The following AGER variants were observed in gnomAD, a reference collection of about 807,000 sequenced individuals.
The protein encoded by AGER is advanced glycosylation end-product specific receptor.
AGER carries 46 observed loss-of-function variants against 48.8 expected under a neutral mutation model. The ratio of observed to expected loss-of-function variants is 0.94; its 90% CI spans 0.74 to 1.20. The LOEUF (loss-of-function observed/expected upper bound fraction) is 1.20. AGER is among the 50% of genes most tolerant of loss of function. AGER has a pLI of 0.00. For missense variants in AGER, 489 were observed against 515.0 expected (o/e 0.95, Z 0.49); for synonymous variants, 170 against 199.9 (o/e 0.85, Z 1.26).
Position 32,182,581 on chromosome 6 carries a change from T to A in AGER, c.809A>T (p.His270Leu). 3 of 1,612,898 alleles carry A rather than the reference T, an allele frequency of 1.9e-6. No individual in the cohort carries two copies. The highest frequency in any genetic ancestry group is 1.6e-4 in the Middle Eastern group (1 of 6,062). Residue 270 changes from histidine to leucine, a missense_variant, in exon 7 of 11, where the codon CAC (histidine) becomes CTC (leucine). His to Leu is a moderately conservative substitution (Grantham distance 99). Coordinates refer to ENST00000375076, the MANE Select transcript of AGER (RefSeq NM_001136.5). The surrounding 1 kb of genome is among the most constrained non-coding windows in gnomAD (Gnocchi z 5.1). ...CAGGTCACTCACATCCTTCATCCAG[T>A]GGATTTGAGGAGAGGGCTGGGCAGG... is the stretch of plus-strand genomic sequence containing the variant. Reference protein sequence around the residue: ...EVPAQPSPQIHWMKDGVPLPL... With the variant: ...EVPAQPSPQILWMKDGVPLPL...
Position 32,181,752 on chromosome 6 carries a change from T to C in AGER, c.965-120A>G. The stretch of plus-strand genomic sequence containing the variant: ...TTTTTTTTGAGATGGAGTTTCACTT[T>C]TGTTGCCCAGGCTGGCATGCAATGG... On this transcript the variant is annotated intron_variant, in intron 8 of 10. Transcript: ENST00000375076. This position sits in a 1 kb window ranked among gnomAD's most constrained non-coding sequence, Gnocchi z 4.1. 1 of 1,106,778 alleles carries C rather than the reference T, an allele frequency of 9.0e-7. No homozygotes were observed. Among genetic ancestry groups the C allele is most frequent in the Non-Finnish European group, 1.3e-6 (1 of 769,960 alleles). The allele number at this position is 1,106,778 out of a possible 1,614,324, so 68.6% of individuals were successfully genotyped here.
At position 32,183,697 on chromosome 6, in the gene AGER, G is replaced by C. The variant is rs1054368043; in HGVS notation, c.213C>G (p.Pro71=). Residue 71 remains proline (P), a synonymous_variant, in exon 3 of 11, where the codon CCC becomes CCG. Coordinates refer to ENST00000375076, the MANE Select transcript of AGER (RefSeq NM_001136.5). ...GAAGGACACGAGCCACACTGTCCCA[G>C]GGGCCTCCTCCCTGGGGAGACAGGA... ...WKVLSPQGGG[P]WDSVARVLPN... is the part of the protein sequence containing the mutation. The C allele has an allele frequency of 3.1e-6, 5 of 1,612,984 alleles. No homozygotes were observed. In the African/African-American group the frequency reaches 6.7e-5, roughly 22 times the overall value.
rs745494912 is a variant in AGER, at chr6:32,183,199, CACCTGGGGAAAGAGTGGTG to C, written c.421-17_422del. Reference sequence around the variant, plus strand: ...AGCTTCCCTCTGACACACATGTCCCCACCTGGGGAAAGAGTGGTGACCTCAGAATCCTTTGAAAATGAGA... The same window carrying C: ...AGCTTCCCTCTGACACACATGTCCCCACCTCAGAATCCTTTGAAAATGAGA... On this transcript the variant is annotated splice_acceptor_variant and splice_polypyrimidine_tract_variant and coding_sequence_variant and intron_variant, in exon 5 of 11. Transcript: ENST00000375076. LOFTEE classifies it high-confidence loss of function. 1.2e-6 allele frequency: 2 copies of C among 1,613,102 alleles called. No individual in the cohort carries two copies. Among genetic ancestry groups the C allele is most frequent in the Non-Finnish European group, 1.7e-6 (2 of 1,180,018 alleles).
chr6:32,181,001 G>C lies in AGER; in HGVS notation c.*142C>G, dbSNP rs901793151. ...TGTCAGGTGTTTAATCATCATTGTGGGGGGCTCTGGTTGTAGAAGAAAGCT... is the reference window on the plus strand; with the variant it reads ...TGTCAGGTGTTTAATCATCATTGTGCGGGGCTCTGGTTGTAGAAGAAAGCT... On this transcript the variant is annotated 3_prime_UTR_variant, in exon 11 of 11. Transcript: ENST00000375076. This position sits in a 1 kb window ranked among gnomAD's most constrained non-coding sequence, Gnocchi z 4.1. 1.2e-6 allele frequency: 1 copy of C among 811,758 alleles called. No individual in the cohort carries two copies. The highest frequency in any genetic ancestry group is 1.7e-5 in the African/African-American group (1 of 58,616). The allele number at this position is 811,758 out of a possible 1,614,324, so 50.3% of individuals were successfully genotyped here.
In AGER at chr6:32,183,350, C is replaced by T. The variant is rs1786608413; in HGVS notation, c.394G>A (p.Glu132Lys). 6.2e-7 allele frequency: 1 copy of T among 1,613,146 alleles called. No homozygotes were observed. The highest frequency in any genetic ancestry group is 1.3e-5 in the African/African-American group (1 of 75,062). ...TTATTGGGAACACCAGCCGTGAGTTCAGAGGCAGAATCTACAATTTCTGGC... is the reference window on the plus strand; with the variant it reads ...TTATTGGGAACACCAGCCGTGAGTTTAGAGGCAGAATCTACAATTTCTGGC... The part of the protein sequence containing the change: ...GKPEIVDSAS[E>K]LTAGVPNKVG... The change falls in exon 4 of 11, where the codon GAA becomes AAA. Residue 132 changes from glutamate to lysine, a missense_variant. Physicochemically the swap from Glu to Lys is moderately conservative, Grantham distance 56. Transcript: ENST00000375076.
rs773473498 is a variant in AGER, at chr6:32,182,628, G to A, written c.762C>T (p.Thr254=). 1.4e-5 allele frequency: 22 copies of A among 1,613,038 alleles called. No homozygotes were observed. Among genetic ancestry groups the A allele is most frequent in the Non-Finnish European group, 1.9e-5 (22 of 1,180,036 alleles). Residue 254 remains threonine (T), a synonymous_variant, in exon 7 of 11, where the codon ACC becomes ACT. Coordinates refer to ENST00000375076, the MANE Select transcript of AGER (RefSeq NM_001136.5). This position sits in a 1 kb window ranked among gnomAD's most constrained non-coding sequence, Gnocchi z 5.1. ...CAGGGACTTCACAGGTCAGGGTTACGGTTCCACCAGGAGCTACTGCTCCAC... is the reference window on the plus strand; with the variant it reads ...CAGGGACTTCACAGGTCAGGGTTACAGTTCCACCAGGAGCTACTGCTCCAC... ...PEGGAVAPGG[T]VTLTCEVPAQ...
Position 32,183,168 on chromosome 6 carries a change from C to T in AGER, c.454G>A (p.Ala152Thr), listed in dbSNP as rs368175894. 4.3e-6 allele frequency: 7 copies of T among 1,613,076 alleles called. No homozygotes were observed. The highest frequency in any genetic ancestry group is 5.9e-6 in the Non-Finnish European group (7 of 1,180,026). ...TCCAAGTGCCAGCTAAGAGTCCCTG[C>T]AGGGTAGCTTCCCTCTGACACACAT... The part of the protein sequence containing the change: ...GTCVSEGSYP[A>T]GTLSWHLDGK... Residue 152 changes from alanine (A) to threonine (T), a missense_variant, in exon 5 of 11, where the codon GCA becomes ACA. Physicochemically the swap from Ala to Thr is moderately conservative, Grantham distance 58. Coordinates refer to ENST00000375076, the MANE Select transcript of AGER (RefSeq NM_001136.5).
Position 32,182,376 on chromosome 6 carries a change from GC to G in AGER, c.834del (p.Leu278PhefsTer9), listed in dbSNP as rs1419435315. The G allele has an allele frequency of 6.2e-7, 1 of 1,611,734 alleles. No homozygotes were observed. The highest frequency in any genetic ancestry group is 8.5e-7 in the Non-Finnish European group (1 of 1,179,570). On this transcript the variant is annotated frameshift_variant, in exon 8 of 11. Coordinates refer to ENST00000375076, the MANE Select transcript of AGER (RefSeq NM_001136.5). LOFTEE classifies it high-confidence loss of function. The surrounding 1 kb of genome is among the most constrained non-coding windows in gnomAD (Gnocchi z 5.1). ...QIHWMKDGVP[L>X]PLPPSPVLIL... Reference sequence around the variant, plus strand: ...ATCAGCACAGGGCTGGGGGGAAGGGGCAAGGGCACACCCTGGTGGGGGAAGG... The same window carrying G: ...ATCAGCACAGGGCTGGGGGGAAGGGGAAGGGCACACCCTGGTGGGGGAAGG...
rs1209569509 is a variant in AGER, at chr6:32,183,033, G to T, written c.509-10C>A. On this transcript the variant is annotated splice_polypyrimidine_tract_variant and intron_variant, in intron 5 of 10. Transcript: ENST00000375076. ...TCCTTCACAGATACTCCTATGATGG[G>T]AGGATAAGACAAATTATCCCAGGGT... 1.9e-6 allele frequency: 3 copies of T among 1,613,076 alleles called. No homozygotes were observed. Among genetic ancestry groups the T allele is most frequent in the Non-Finnish European group, 2.5e-6 (3 of 1,180,020 alleles).
Position 32,182,744 on chromosome 6 carries a change from G to C in AGER, c.692-46C>G, listed in dbSNP as rs1481991648. ...GAGGTGGAGAGTTACACTTGTGAGT[G>C]ATCCCAGTGGCCATGGGCTTGACTC... On this transcript the variant is annotated intron_variant, in intron 6 of 10. Transcript: ENST00000375076. The surrounding 1 kb of genome is among the most constrained non-coding windows in gnomAD (Gnocchi z 5.1). 13 of 1,612,832 alleles carry C rather than the reference G, an allele frequency of 8.1e-6. No homozygotes were observed. The highest frequency in any genetic ancestry group is 1.1e-5 in the Non-Finnish European group (13 of 1,179,970).
intron 3 of AGER, 27 bp downstream of exon 3, chr6:32,183,528 C>A: frequency 1.2e-6 from 2 of 1,612,962 alleles, no homozygotes; most frequent in Non-Finnish European, 1.7e-6. Context: ...AAGAGGGAGG[C>A]CTTGGAGAAG....
chr6:32,184,042 T>G, intron 1 of AGER, 55 bp from the exon 2 acceptor site: 2 of 1,611,824 alleles, frequency 1.2e-6, no homozygotes, highest in Non-Finnish European at 1.7e-6. Context: ...CTAACAAAAT[T>G]TGGACAGGGT....
At chr6:32,184,096 G>A in intron 1 of AGER, 75 bp downstream of exon 1, 1 of 1,606,206 alleles carries the variant, frequency 6.2e-7, no homozygotes. Context: ...TCTGGGAAAA[G>A]TTCTAGGACG....
Position 32,184,183 on chromosome 6 carries a change from G to A in AGER, c.40C>T (p.Leu14Phe). The A allele has an allele frequency of 6.2e-7, 1 of 1,612,302 alleles. No homozygotes were observed. The highest frequency in any genetic ancestry group is 1.3e-5 in the African/African-American group (1 of 75,018). The change falls in exon 1 of 11, where the codon CTC becomes TTC. Residue 14 changes from leucine (L) to phenylalanine (F), a missense_variant. Physicochemically the swap from Leu to Phe is conservative, Grantham distance 22 (BLOSUM62 0). Transcript: ENST00000375076. The stretch of plus-strand genomic sequence containing the variant: ...GGGAGTGGCTCACCCCACAGACTGA[G>A]GACCAGCACCCAGGCTCCAACTGCT... ...GTAVGAWVLVLSLWGAVVGAQ... is the reference protein window; with the variant it reads ...GTAVGAWVLVFSLWGAVVGAQ...
chr6:32,184,168 C>T lies in AGER; in HGVS notation c.52+3G>A. 3 of 1,611,044 alleles carry T rather than the reference C, an allele frequency of 1.9e-6. No homozygotes were observed. Among genetic ancestry groups the T allele is most frequent in the East Asian group, 2.2e-5 (1 of 44,880 alleles). Reference sequence around the variant, plus strand: ...GGTCAGTGGGGTTGAGGGAGTGGCTCACCCCACAGACTGAGGACCAGCACC... The same window carrying T: ...GGTCAGTGGGGTTGAGGGAGTGGCTTACCCCACAGACTGAGGACCAGCACC... On this transcript the variant is annotated splice_donor_region_variant and intron_variant, in intron 1 of 10. Coordinates refer to ENST00000375076, the MANE Select transcript of AGER (RefSeq NM_001136.5).
At position 32,181,491 on chromosome 6, in the gene AGER, G is replaced by A. The variant is rs752530013; in HGVS notation, c.992-14C>T. 6 of 1,613,260 alleles carry A rather than the reference G, an allele frequency of 3.7e-6. No homozygotes were observed. Among genetic ancestry groups the A allele is most frequent in the Non-Finnish European group, 3.4e-6 (4 of 1,180,042 alleles). ...CTCCCACAGAGCCTGTACGGAGACA[G>A]GGAAAATTGAGAGCACAGCCACCAC... is the stretch of plus-strand genomic sequence containing the variant. On this transcript the variant is annotated splice_polypyrimidine_tract_variant and intron_variant, in intron 9 of 10. Transcript: ENST00000375076. This position sits in a 1 kb window ranked among gnomAD's most constrained non-coding sequence, Gnocchi z 4.1.
In AGER at chr6:32,181,271, G is replaced by C; in HGVS notation, c.1119-32C>G. On this transcript the variant is annotated intron_variant, in intron 10 of 10. Transcript: ENST00000375076. The surrounding 1 kb of genome is among the most constrained non-coding windows in gnomAD (Gnocchi z 4.1). ...AGAAAGATTGGGGGGAATGCGGCACGTTGTCGTTCCACCCCCCGACCCCTC... is the reference window on the plus strand; with the variant it reads ...AGAAAGATTGGGGGGAATGCGGCACCTTGTCGTTCCACCCCCCGACCCCTC... 2 of 1,613,852 alleles carry C rather than the reference G, an allele frequency of 1.2e-6. No homozygotes were observed. Among genetic ancestry groups the C allele is most frequent in the South Asian group, 1.1e-5 (1 of 91,088 alleles).
At chr6:32,183,280 T>C in intron 4 of AGER, 44 bp downstream of exon 4, 1 of 1,613,126 alleles carries the variant, frequency 6.2e-7, no homozygotes, top group South Asian at 1.1e-5. Flanking sequence ...ACTCGCCTCC[T>C]GTTCACAGGG....
In AGER at chr6:32,181,085, G is replaced by A; in HGVS notation, c.*58C>T. 2 of 1,571,514 alleles carry A rather than the reference G, an allele frequency of 1.3e-6. No individual in the cohort carries two copies. The highest frequency in any genetic ancestry group is 3.3e-5 in the Admixed American group (2 of 59,914). On this transcript the variant is annotated 3_prime_UTR_variant, in exon 11 of 11. Coordinates refer to ENST00000375076, the MANE Select transcript of AGER (RefSeq NM_001136.5). The surrounding 1 kb of genome is among the most constrained non-coding windows in gnomAD (Gnocchi z 4.1). The stretch of plus-strand genomic sequence containing the variant: ...ACAGGAGAGAGTTGGTCTGAGGCCA[G>A]AACAGTTCAAGGGAAAAAGAAAAGG...
Sources: allele counts gnomAD v4.1 joint callset, GRCh38; gene constraint gnomAD v4.1.1; non-coding constraint Gnocchi (gnomAD v3.1); transcripts MANE v1.5; gene names NCBI Gene and HGNC (gene_info 2026-07-23, HGNC 2026-07-21).